The following FAM89A variants were observed in gnomAD, a reference collection of about 807,000 sequenced individuals.
FAM89A encodes family with sequence similarity 89 member A.
Under a neutral mutation model 7.1 loss-of-function variants are expected in FAM89A, and 10 were observed. The ratio of observed to expected loss-of-function variants is 1.40; its 90% confidence interval spans 0.86 to 2.38. The LOEUF is 2.38. FAM89A is among the 30% of genes most tolerant of loss of function. The pLI is 0.00. For synonymous variants in FAM89A, 157 were observed against 129.3 expected (o/e 1.21, Z -1.45); for missense variants, 276 against 262.8 (o/e 1.05, Z -0.35).
chr1:231,020,458 C>T (rs902050290), intron 1 of FAM89A, among the ~76,000 whole-genome samples: 1 of 152,172 alleles, frequency 6.6e-6, no homozygotes, highest in Non-Finnish European at 1.5e-5. Context: ...TCACTTTGGA[C>T]GCCAAGAAAC....
intron 1 of FAM89A, chr1:231,022,181 T>C (rs1170058644): frequency 1.9e-5 from 19 of 1,024,706 alleles, no homozygotes; most frequent in Middle Eastern, 2.0e-4. Context: ...CATTCATATA[T>C]GAAGTATTCA....
intron 1 of FAM89A, among the ~76,000 whole-genome samples, chr1:231,036,129 T>C (rs1680152965): frequency 6.6e-6 from 1 of 152,220 alleles, no homozygotes; most frequent in South Asian, 2.1e-4. Flanking sequence ...CCATAAGCCC[T>C]AGTTCTAGCC....
chr1:231,022,596 T>C (rs1453644623), intron 1 of FAM89A, among the ~76,000 whole-genome samples: 2 of 152,136 alleles, frequency 1.3e-5, no homozygotes, highest in Non-Finnish European at 2.9e-5. Flanking sequence ...CCAGACCCGG[T>C]TCACCCAGCT....
chr1:231,030,790 T>C (rs1192995499), intron 1 of FAM89A, among the ~76,000 whole-genome samples: 1 of 152,144 alleles, frequency 6.6e-6, no homozygotes, highest in Non-Finnish European at 1.5e-5. Flanking sequence ...AATATTTACA[T>C]TACTAGAAAT....
At chr1:231,039,790 G>C (rs1044984475) in intron 1 of FAM89A, 131 bp downstream of exon 1, 10 of 937,454 alleles carry the variant, frequency 1.1e-5, no homozygotes, top group Non-Finnish European at 1.3e-5. Flanking sequence ...GGACGGCGCC[G>C]GCGCCTGGGG....
intron 1 of FAM89A, among the ~76,000 whole-genome samples, chr1:231,034,564 G>C (rs891697019): frequency 4.6e-5 from 7 of 152,148 alleles, no homozygotes; most frequent in African/African-American, 1.2e-4. Context: ...TCTGAGGTCA[G>C]AAGTTCGAGA....
intron 1 of FAM89A, chr1:231,021,689 CCT>C (rs1051799058): frequency 1.3e-5 from 20 of 1,584,600 alleles, no homozygotes; most frequent in South Asian, 7.7e-5. Context: ...AACCTCCACC[CCT>C]GAGATTTCCT....
intron 1 of FAM89A, among the ~76,000 whole-genome samples, chr1:231,024,914 CTTTTTTTTTTTTTT>C (rs60500715): frequency 1.6e-5 from 1 of 63,410 alleles, no homozygotes; most frequent in Admixed American, 1.8e-4. Context: ...CACAACTACT[CTTTTTTTTTTTTTT>C]TTTTTTTTTT....
At chr1:231,031,358 G>A (rs1680065544) in intron 1 of FAM89A, among the ~76,000 whole-genome samples, 1 of 152,076 alleles carries the variant, frequency 6.6e-6, no homozygotes, top group African/African-American at 2.4e-5. Context: ...GTTGACTGCT[G>A]TTTAGTGTGG....
rs1316588724 is a variant in FAM89A at position 231,039,904 on chromosome 1, C to T, written c.291+17G>A. The T allele has an allele frequency of 7.7e-6, 10 of 1,291,542 alleles. No individual in the cohort carries two copies. The highest frequency in any genetic ancestry group is 2.9e-4 in the Middle Eastern group (1 of 3,418). 80.0% of individuals were successfully genotyped at this position (1,291,542 alleles called of 1,614,324 possible). ...AGCCCGGCCGGGAAGAGCCCCAGCT[C>T]GCGGAGCCCCACTCACCATCTCTTT... On this transcript the variant is annotated intron_variant, in intron 1 of 1. Transcript: ENST00000366654.
Position 231,020,047 on chromosome 1 carries a change from G to GC in FAM89A, c.370dup (p.Ala124GlyfsTer21), listed in dbSNP as rs781602771. On this transcript the variant is annotated frameshift_variant, in exon 2 of 2. Transcript: ENST00000366654. LOFTEE classifies it low-confidence loss of function (END_TRUNC). ...GTCTGGGCTGGAGGCTGCCTGGCAT[G>GC]CCCCCTTGTACTCCTGAATCGACTC... 6.2e-6 allele frequency: 10 copies of GC among 1,614,048 alleles called. No individual in the cohort carries two copies. The highest frequency in any genetic ancestry group is 8.5e-6 in the Non-Finnish European group (10 of 1,180,014).
chr1:231,024,585 G>C (rs189605359), intron 1 of FAM89A, among the ~76,000 whole-genome samples: 1 of 150,310 alleles, frequency 6.7e-6, no homozygotes, highest in African/African-American at 2.5e-5. Context: ...CACCCAGGCA[G>C]GAGTGTGGTG....
intron 1 of FAM89A, among the ~76,000 whole-genome samples, chr1:231,028,270 C>T (rs1020053079): frequency 3.9e-5 from 6 of 152,152 alleles, no homozygotes; most frequent in East Asian, 1.9e-4. Flanking sequence ...GCGTGCCTCC[C>T]ATCACATCAA....
rs544508112 is a variant in FAM89A at position 231,020,388 on chromosome 1, C to T, written c.292-262G>A. On this transcript the variant is annotated intron_variant, in intron 1 of 1. Transcript: ENST00000366654. Reference sequence around the variant, plus strand: ...GGGCAGCCTGCAGAATTTACCCTGGCGCTCCTGAGTGTGCCTGATGAAGCA... The same window carrying T: ...GGGCAGCCTGCAGAATTTACCCTGGTGCTCCTGAGTGTGCCTGATGAAGCA... 5.9e-5 allele frequency among the ~76,000 whole-genome samples: 9 copies of T among 152,300 alleles called. No individual in the cohort carries two copies. In the East Asian group the frequency reaches 9.6e-4, roughly 16 times the overall value.
chr1:231,027,237 G>A (rs548748714), intron 1 of FAM89A, among the ~76,000 whole-genome samples: 26 of 152,220 alleles, frequency 1.7e-4, no homozygotes, highest in African/African-American at 6.0e-4. Context: ...TGATGCACCC[G>A]GCAGGGAGTC....
chr1:231,040,075 C>G lies in FAM89A; in HGVS notation c.137G>C (p.Gly46Ala). Residue 46 changes from glycine to alanine, a missense_variant, in exon 1 of 2, where the codon GGC becomes GCC. Transcript: ENST00000366654. ...GTACAGCCGCTCCAGGTGCCGCCAG[C>G]CCCCAGACGCGCCGCCGCCCGACGC... Reference protein sequence around the residue: ...HSASGGGASGGWRHLERLYAQ... With the variant: ...HSASGGGASGAWRHLERLYAQ... 2.1e-6 allele frequency: 3 copies of G among 1,443,022 alleles called. No homozygotes were observed. Among genetic ancestry groups the G allele is most frequent in the Non-Finnish European group, 2.7e-6 (3 of 1,099,606 alleles). 89.4% of individuals were successfully genotyped at this position (1,443,022 alleles called of 1,614,324 possible).
intron 1 of FAM89A, chr1:231,027,087 G>A (rs955178660): frequency 1.3e-5 from 2 of 152,180 alleles, no homozygotes; most frequent in Admixed American, 6.5e-5. Flanking sequence ...GTTTGAGGTC[G>A]GCCCAGGTAA....
intron 1 of FAM89A, among the ~76,000 whole-genome samples, chr1:231,025,715 G>T (rs1450591999): frequency 6.6e-6 from 1 of 151,672 alleles, no homozygotes; most frequent in African/African-American, 2.4e-5. Flanking sequence ...ATTAAAAAAA[G>T]GAGAGACAGG....
chr1:231,020,119 A>G lies in FAM89A; in HGVS notation c.299T>C (p.Leu100Pro). Reference sequence around the variant, plus strand: ...GAGCAAGGACATGTCCAGCTGGCGGAGACCAACCTTGAGGGAAGGGGTGGG... The same window carrying G: ...GAGCAAGGACATGTCCAGCTGGCGGGGACCAACCTTGAGGGAAGGGGTGGG... Reference protein sequence around the residue: ...LALLRKEMVGLRQLDMSLLCQ... With the variant: ...LALLRKEMVGPRQLDMSLLCQ... The change falls in exon 2 of 2, where the codon CTC (leucine) becomes CCC (proline). Residue 100 changes from leucine to proline, a missense_variant. By Grantham distance (98) the Leu-to-Pro change is moderately conservative. Transcript: ENST00000366654. The G allele has an allele frequency of 6.2e-7, 1 of 1,606,016 alleles. No individual in the cohort carries two copies. The highest frequency in any genetic ancestry group is 1.1e-5 in the South Asian group (1 of 90,750).
Sources: gnomAD v4.1 joint callset for allele counts (sites outside exome capture counted in the v4.1 genomes callset) on GRCh38, gnomAD v4.1.1 for gene constraint, MANE v1.5 for transcripts, NCBI Gene and HGNC (gene_info 2026-07-23, HGNC 2026-07-21) for gene names.